LRP1B: variants seen among roughly 807,000 people sequenced by gnomAD.
LRP1B encodes the protein low-density lipoprotein receptor-related protein 1B.
LRP1B carries 217 observed loss-of-function variants against 556.6 expected under a neutral mutation model. The ratio of observed to expected loss-of-function variants is 0.39; its 90% CI spans 0.35 to 0.44. The LOEUF is 0.44. LRP1B is among the 20% of genes least tolerant of loss of function. The pLI is 1.00. For synonymous variants in LRP1B, 2,047 were observed against 1,865.8 expected (o/e 1.10, Z -2.50); for missense variants, 5,053 against 5,620.8 (o/e 0.90, Z 3.23).
chr2:141,718,144 C>G (rs994505937), intron 2 of LRP1B, among the ~76,000 whole-genome samples: 4 of 151,726 alleles, frequency 2.6e-5, no homozygotes, highest in Non-Finnish European at 5.9e-5. Context: ...GAGAAAGACT[C>G]TTTGCACACA....
rs76157197 is a variant in LRP1B, at chr2:141,061,777, G to A, written c.1236+274C>T. 1.4e-3 allele frequency among the ~76,000 whole-genome samples: 207 copies of A among 151,662 alleles called. 4 individuals carry two copies. In the East Asian group the frequency reaches 0.034, roughly 25 times the overall value. On this transcript the variant is annotated intron_variant, in intron 8 of 90. Transcript: ENST00000389484. ...CTATTTTAATACTTTTCTTTCTTGC[G>A]AATATAGCATTTTTGTCTTTGTTGT...
At chr2:141,784,389 G>C (rs1364078076) in intron 2 of LRP1B, among the ~76,000 whole-genome samples, 1 of 151,932 alleles carries the variant, frequency 6.6e-6, no homozygotes, top group Non-Finnish European at 1.5e-5. Flanking sequence ...CTGTGGAATA[G>C]ATATTTTACT....
chr2:141,341,504 G>A (rs551416922), intron 3 of LRP1B, among the ~76,000 whole-genome samples: 156 of 151,764 alleles, frequency 1.0e-3, no homozygotes, highest in African/African-American at 3.0e-3. Flanking sequence ...CTATTTTTAC[G>A]TCTCACAATG....
Position 140,457,603 on chromosome 2 carries a change from T to A in LRP1B, c.9674A>T (p.Asp3225Val), listed in dbSNP as rs746889192. The change falls in exon 61 of 91, where the codon GAC becomes GTC. Residue 3225 changes from aspartate to valine, a missense_variant. Around this residue, in one of 5 missense-constraint regions of LRP1B, gnomAD observed 262 missense variants for 395.1 expected, o/e 0.66. Transcript: ENST00000389484. ...PGVIALTLFE[D>V]YIYWTDGKTK... ...TTTCCCATCAGTCCAGTAGATGTAG[T>A]CTTCAAACAATGTTAGTGCAATCAC... 1 of 1,613,790 alleles carries A rather than the reference T, an allele frequency of 6.2e-7. No homozygotes were observed. Among genetic ancestry groups the A allele is most frequent in the South Asian group, 1.1e-5 (1 of 91,076 alleles).
intron 49 of LRP1B, among the ~76,000 whole-genome samples, chr2:140,522,996 T>C (rs1442929182): frequency 2.0e-5 from 3 of 151,994 alleles, no homozygotes; most frequent in East Asian, 3.9e-4. Flanking sequence ...CTGAAACTGT[T>C]CCAAATAATT....
chr2:140,640,053 A>G (rs1244953456), intron 41 of LRP1B, among the ~76,000 whole-genome samples: 2 of 152,048 alleles, frequency 1.3e-5, no homozygotes, highest in Non-Finnish European at 2.9e-5. Context: ...CCCAGGCTGG[A>G]GTGCAGTGGC....
At chr2:140,536,755 T>C (rs2105004552) in intron 45 of LRP1B, 46 bp from the exon 46 acceptor site, 1 of 1,494,328 alleles carries the variant, frequency 6.7e-7, no homozygotes, top group Non-Finnish European at 9.0e-7. Flanking sequence ...CAATGGCAAA[T>C]ATTTTTTGAC....
intron 7 of LRP1B, among the ~76,000 whole-genome samples, chr2:141,082,503 CA>C (rs1462934607): frequency 6.6e-6 from 1 of 152,026 alleles, no homozygotes; most frequent in Non-Finnish European, 1.5e-5. Flanking sequence ...CTGCAGTGGC[CA>C]AAACAGCTAG....
At chr2:140,834,931 G>A (rs1436860241) in intron 31 of LRP1B, among the ~76,000 whole-genome samples, 10 of 151,868 alleles carry the variant, frequency 6.6e-5, no homozygotes, top group Non-Finnish European at 5.9e-5. Context: ...TTTTTCTATA[G>A]TTTTAAAATA....
chr2:140,314,494 AG>A (rs1684435170), intron 83 of LRP1B, among the ~76,000 whole-genome samples: 1 of 152,150 alleles, frequency 6.6e-6, no homozygotes, highest in Non-Finnish European at 1.5e-5. Context: ...ATACAATTTT[AG>A]ATGGGAATCA....
At chr2:140,775,958 T>C in intron 33 of LRP1B, 140 bp downstream of exon 33, 1 of 658,552 alleles carries the variant, frequency 1.5e-6, no homozygotes, top group East Asian at 3.2e-5. Flanking sequence ...TCTCCTACAG[T>C]AGTAAGCAAC....
chr2:141,053,026 T>G (rs1699080622), intron 10 of LRP1B, among the ~76,000 whole-genome samples: 1 of 152,090 alleles, frequency 6.6e-6, no homozygotes, highest in Non-Finnish European at 1.5e-5. Context: ...TGTTTGTGTA[T>G]GTAGGTATGT....
At chr2:141,869,714 T>A (rs1698522557) in intron 1 of LRP1B, among the ~76,000 whole-genome samples, 2 of 152,112 alleles carry the variant, frequency 1.3e-5, no homozygotes, top group Non-Finnish European at 2.9e-5. Context: ...AACTGTAACA[T>A]AACAACAATG....
intron 1 of LRP1B, among the ~76,000 whole-genome samples, chr2:141,911,358 C>A (rs1285300910): frequency 6.6e-6 from 1 of 152,028 alleles, no homozygotes; most frequent in East Asian, 1.9e-4. Context: ...TGAAAATTCC[C>A]GAAGTCATAT....
intron 3 of LRP1B, among the ~76,000 whole-genome samples, chr2:141,350,067 T>C (rs1037627258): frequency 1.3e-5 from 2 of 152,162 alleles, no homozygotes; most frequent in South Asian, 4.1e-4. Context: ...CTCCCGTTTT[T>C]AAAACCATCA....
chr2:141,967,111 C>T (rs915973984), intron 1 of LRP1B, among the ~76,000 whole-genome samples: 1 of 151,788 alleles, frequency 6.6e-6, no homozygotes, highest in Non-Finnish European at 1.5e-5. Context: ...CCTGTTGTTC[C>T]ACATGGAATT....
At chr2:140,570,412 T>C (rs1185238997) in intron 43 of LRP1B, among the ~76,000 whole-genome samples, 1 of 151,226 alleles carries the variant, frequency 6.6e-6, no homozygotes, top group Admixed American at 6.6e-5. Flanking sequence ...TACTGACAAA[T>C]TGGAAAACCT....
At chr2:141,086,618 TTGTGTGTGTGTG>T (rs10608029) in intron 7 of LRP1B, among the ~76,000 whole-genome samples, 38,015 of 148,068 alleles carry the variant, frequency 0.26, 5,347 homozygotes, top group East Asian at 0.42. Context: ...AGTATAATAT[TTGTGTGTGTGTG>T]TGTGTGTGTG....
intron 41 of LRP1B, among the ~76,000 whole-genome samples, chr2:140,655,937 C>T (rs1034908924): frequency 3.7e-5 from 5 of 133,542 alleles, no homozygotes; most frequent in African/African-American, 5.7e-5. Flanking sequence ...GGTGAGACTC[C>T]GTCTCAAAAA....
Sources: allele counts gnomAD v4.1 joint callset (sites outside exome capture counted in the v4.1 genomes callset), GRCh38; gene constraint gnomAD v4.1.1; regional missense constraint gnomAD v4.1.1; transcripts MANE v1.5; gene names NCBI Gene and HGNC (gene_info 2026-07-23, HGNC 2026-07-21).